The following TMEM50B variants were observed in gnomAD, a reference collection of about 807,000 sequenced individuals.
TMEM50B encodes the protein HCV p7-trans-regulated protein 3.
A neutral mutation model predicts 23.4 loss-of-function variants in TMEM50B; 14 were observed. The observed-to-expected ratio is 0.60, with a 90% confidence interval of 0.39 to 0.93. The LOEUF (loss-of-function observed/expected upper bound fraction) is 0.93. Among genes scored for constraint, TMEM50B ranks in the 40% least tolerant of loss-of-function variants. The pLI is 0.00. For missense variants in TMEM50B, 159 were observed against 193.0 expected (o/e 0.82, Z 1.04); for synonymous variants, 64 against 62.3 (o/e 1.03, Z -0.13).
chr21:33,466,761 C>T (rs1013340193), intron 3 of TMEM50B, among the ~76,000 whole-genome samples: 2 of 136,308 alleles, frequency 1.5e-5, no homozygotes, highest in Non-Finnish European at 3.0e-5. Context: ...ATGTAACTGA[C>T]CAGATTTAAA....
At chr21:33,457,109 C>T (rs946668967) in intron 5 of TMEM50B, among the ~76,000 whole-genome samples, 1 of 150,630 alleles carries the variant, frequency 6.6e-6, no homozygotes, top group Non-Finnish European at 1.5e-5. Flanking sequence ...ACAAAATTAG[C>T]CAAGTGTGGT....
At chr21:33,464,805 A>AAAAAAAAAAAAAAAAAC (rs2084250532) in intron 4 of TMEM50B, among the ~76,000 whole-genome samples, 2 of 29,776 alleles carry the variant, frequency 6.7e-5, no homozygotes, top group Non-Finnish European at 1.1e-4. Flanking sequence ...ACTCCGTCTC[A>AAAAAAAAAAAAAAAAAC]AAAAAAAAAA....
intron 4 of TMEM50B, among the ~76,000 whole-genome samples, chr21:33,463,911 C>A (rs928044845): frequency 2.0e-5 from 3 of 151,926 alleles, no homozygotes; most frequent in African/African-American, 7.3e-5. Context: ...GAGTGAGACT[C>A]CGTCTCAAAA....
At chr21:33,457,651 C>CAAAAA (rs11334898) in intron 5 of TMEM50B, among the ~76,000 whole-genome samples, 1 of 123,588 alleles carries the variant, frequency 8.1e-6, no homozygotes, top group African/African-American at 3.0e-5. Flanking sequence ...AACTCCAACT[C>CAAAAA]AAAAAAAAAA....
At chr21:33,437,051 G>C in intron 8 of TMEM50B, 1 of 1,421,186 alleles carries the variant, frequency 7.0e-7, no homozygotes, top group Non-Finnish European at 9.9e-7. Flanking sequence ...CCAGAGACCA[G>C]TATTCCCTTT....
intron 7 of TMEM50B, among the ~76,000 whole-genome samples, chr21:33,442,800 A>G (rs1001375082): frequency 9.2e-5 from 14 of 152,084 alleles, no homozygotes; most frequent in African/African-American, 3.1e-4. Context: ...GCATGCCTGT[A>G]GTTCCAGCTA....
intron 4 of TMEM50B, among the ~76,000 whole-genome samples, chr21:33,461,833 C>T (rs77810310): frequency 0.01 from 1,564 of 151,884 alleles, 29 homozygotes; most frequent in African/African-American, 0.036. Context: ...AATTATTTTC[C>T]ATCATGTCCT....
intron 5 of TMEM50B, among the ~76,000 whole-genome samples, chr21:33,457,505 G>A (rs1433574363): frequency 1.3e-5 from 2 of 151,798 alleles, no homozygotes; most frequent in Non-Finnish European, 2.9e-5. Context: ...CAAAAAATTA[G>A]CTGGGAGTCG....
At chr21:33,459,908 A>G (rs972384719) in intron 5 of TMEM50B, among the ~76,000 whole-genome samples, 4 of 151,834 alleles carry the variant, frequency 2.6e-5, no homozygotes, top group Admixed American at 6.6e-5. Flanking sequence ...ATAATCTAAT[A>G]TATCTATTTT....
intron 5 of TMEM50B, among the ~76,000 whole-genome samples, chr21:33,459,116 G>T (rs1193926386): frequency 6.6e-6 from 1 of 152,160 alleles, no homozygotes; most frequent in African/African-American, 2.4e-5. Flanking sequence ...TGCGTTCTCT[G>T]AAACTGACTC....
intron 1 of TMEM50B, among the ~76,000 whole-genome samples, chr21:33,470,377 ATTGT>A (rs2084302250): frequency 2.4e-5 from 3 of 123,616 alleles, no homozygotes; most frequent in East Asian, 2.7e-4. Flanking sequence ...GTAAGCCAAG[ATTGT>A]GCCACTGCAC....
chr21:33,479,556 G>A (rs2123472023), intron 1 of TMEM50B, among the ~76,000 whole-genome samples: 1 of 152,322 alleles, frequency 6.6e-6, no homozygotes, highest in East Asian at 1.9e-4. Context: ...CGGCGTGACA[G>A]CGCGGCAGGG....
At chr21:33,446,030 G>A (rs1443214470), downstream of TMEM50B, among the ~76,000 whole-genome samples, 6 of 151,722 alleles carry the variant, frequency 4.0e-5, no homozygotes, top group Non-Finnish European at 5.9e-5. Context: ...TAGTAACAAC[G>A]CAATTGGAAG....
chr21:33,435,966 CAGG>C (rs1331660306), intron 8 of TMEM50B, among the ~76,000 whole-genome samples: 7 of 148,820 alleles, frequency 4.7e-5, no homozygotes, highest in Admixed American at 6.7e-5. Context: ...GAAGCTGAGG[CAGG>C]AGAATTGCTT....
intron 4 of TMEM50B, 90 bp from the exon 5 acceptor site, chr21:33,460,595 A>C (rs2084208741): frequency 6.1e-6 from 4 of 652,588 alleles, no homozygotes; most frequent in Admixed American, 3.2e-5. Flanking sequence ...CTGTTAGCCT[A>C]GTATATATTA....
chr21:33,476,774 A>C (rs1478691661), intron 1 of TMEM50B, among the ~76,000 whole-genome samples: 2 of 151,244 alleles, frequency 1.3e-5, no homozygotes, highest in Non-Finnish European at 1.5e-5. Flanking sequence ...AAAAAAAAAA[A>C]AAAAACAACT....
intron 5 of TMEM50B, among the ~76,000 whole-genome samples, chr21:33,457,322 G>T (rs773532762): frequency 6.6e-6 from 1 of 151,746 alleles, no homozygotes; most frequent in African/African-American, 2.4e-5. Flanking sequence ...TCACAATCAA[G>T]AAATTTATCA....
intron 1 of TMEM50B, among the ~76,000 whole-genome samples, chr21:33,469,861 G>C (rs1035047564): frequency 6.6e-6 from 1 of 152,152 alleles, no homozygotes; most frequent in Non-Finnish European, 1.5e-5. Flanking sequence ...ATGGAGCAGA[G>C]ATACATCATC....
At chr21:33,462,383 A>G (rs1308502611) in intron 4 of TMEM50B, among the ~76,000 whole-genome samples, 1 of 152,192 alleles carries the variant, frequency 6.6e-6, no homozygotes, top group Non-Finnish European at 1.5e-5. Context: ...GGAATATCAT[A>G]GAATAAAATA....
Sources: allele counts gnomAD v4.1 joint callset (sites outside exome capture counted in the v4.1 genomes callset), GRCh38; gene constraint gnomAD v4.1.1; transcripts MANE v1.5; gene names NCBI Gene and HGNC (gene_info 2026-07-23, HGNC 2026-07-21).